The following CYLC2 variants were observed in gnomAD, a reference collection of about 807,000 sequenced individuals.
CYLC2 encodes cylicin-2.
A neutral mutation model predicts 26.1 loss-of-function variants in CYLC2; 30 were observed. The ratio of observed to expected loss-of-function variants is 1.15; its 90% confidence interval spans 0.86 to 1.56. The LOEUF is 1.56. CYLC2 is among the 40% of genes most tolerant of loss of function. The pLI, the probability that CYLC2 is intolerant of heterozygous loss-of-function variation, is 0.00. For synonymous variants in CYLC2, 158 were observed against 132.8 expected, an observed-to-expected ratio of 1.19 and a Z score of -1.31; for missense variants, 498 against 394.4, an observed-to-expected ratio of 1.26 and a Z score of -2.23.
At chr9:103,007,754 C>T (rs1314822929) in intron 5 of CYLC2, among the ~76,000 whole-genome samples, 1 of 152,112 alleles carries the variant, frequency 6.6e-6, no homozygotes, top group Non-Finnish European at 1.5e-5. Context: ...TTCTTCCTGA[C>T]ACAAACTTTG....
chr9:102,995,883 C>G (rs892438934), intron 1 of CYLC2, among the ~76,000 whole-genome samples: 7 of 151,794 alleles, frequency 4.6e-5, no homozygotes, highest in African/African-American at 1.7e-4. Context: ...TGGTATCCCT[C>G]TTGCAAAATA....
intron 6 of CYLC2, among the ~76,000 whole-genome samples, chr9:103,015,489 T>G (rs1194762728): frequency 6.5e-5 from 9 of 138,536 alleles, no homozygotes; most frequent in South Asian, 4.2e-4. Flanking sequence ...TTATATGTAA[T>G]TATATAACAT....
chr9:103,011,361 C>A (rs114460395), intron 5 of CYLC2, among the ~76,000 whole-genome samples: 2 of 152,126 alleles, frequency 1.3e-5, no homozygotes, highest in Admixed American at 1.3e-4. Flanking sequence ...GAAATACTTA[C>A]GTTTCATAAA....
intron 5 of CYLC2, among the ~76,000 whole-genome samples, chr9:103,008,371 A>G (rs1829373178): frequency 6.6e-6 from 1 of 151,790 alleles, no homozygotes; most frequent in South Asian, 2.1e-4. Flanking sequence ...AGTTATTCCA[A>G]TAAAAAATAA....
chr9:102,998,877 C>T (rs1335065052), intron 1 of CYLC2, among the ~76,000 whole-genome samples: 3 of 151,812 alleles, frequency 2.0e-5, no homozygotes, highest in Non-Finnish European at 4.4e-5. Context: ...GCTAGTATTT[C>T]TGGACTTTTT....
intron 6 of CYLC2, among the ~76,000 whole-genome samples, chr9:103,013,360 A>AATATATATTTATATATTATAT (rs1384396299): frequency 1.3e-4 from 2 of 15,464 alleles, no homozygotes; most frequent in African/African-American, 4.2e-4. Flanking sequence ...TATATTATAT[A>AATATATATTTATATATTATAT]AATATATATT....
chr9:103,014,400 G>GT (rs1829463547), intron 6 of CYLC2, among the ~76,000 whole-genome samples: 1 of 101,982 alleles, frequency 9.8e-6, no homozygotes, highest in Non-Finnish European at 1.9e-5. Context: ...ATAACATAAT[G>GT]TATGTTACGT....
rs776460013 is a variant in CYLC2 at position 103,011,947 on chromosome 9, C to CTTTTTT, written c.*701-13_*701-8dup. 9.7e-4 allele frequency: 62 copies of CTTTTTT among 64,128 alleles called. 1 individual carries two copies. The highest frequency in any genetic ancestry group is 1.5e-3 in the East Asian group (3 of 1,936). 4.0% of individuals were successfully genotyped at this position (64,128 alleles called of 1,614,324 possible). On this transcript the variant is annotated intron_variant, in intron 5 of 7. Transcript: ENST00000374798. ...AACTTGCTAATACTTAGATCATTCT[C>CTTTTTT]TTTTTTTTTTTTTTTTTTTTTTTTT...
At chr9:103,009,833 A>G (rs1040013639) in intron 5 of CYLC2, among the ~76,000 whole-genome samples, 1 of 151,734 alleles carries the variant, frequency 6.6e-6, no homozygotes, top group Non-Finnish European at 1.5e-5. Flanking sequence ...ATCTTTGCCA[A>G]CACTTTTATC....
intron 1 of CYLC2, among the ~76,000 whole-genome samples, chr9:102,995,883 C>T (rs892438934): frequency 6.6e-6 from 1 of 151,794 alleles, no homozygotes; most frequent in African/African-American, 2.4e-5. Context: ...TGGTATCCCT[C>T]TTGCAAAATA....
At chr9:103,001,866 T>A (rs1156709462) in intron 2 of CYLC2, among the ~76,000 whole-genome samples, 28 of 152,126 alleles carry the variant, frequency 1.8e-4, no homozygotes, top group Non-Finnish European at 4.4e-5. Flanking sequence ...ATGTTAGAAG[T>A]CATACAATCA....
In CYLC2 at chr9:102,995,345, C is replaced by A. The variant is rs749840127; in HGVS notation, c.-36C>A. The A allele has an allele frequency of 7.0e-6, 11 of 1,573,788 alleles. No homozygotes were observed. In the African/African-American group the frequency reaches 9.5e-5, roughly 14 times the overall value. ...TTTCAACATCACCAGTTTGAACTTACAATACTTAAGTCCTGGCAAGTCATA... is the reference window on the plus strand; with the variant it reads ...TTTCAACATCACCAGTTTGAACTTAAAATACTTAAGTCCTGGCAAGTCATA... On this transcript the variant is annotated 5_prime_UTR_variant, in exon 1 of 8. Coordinates refer to ENST00000374798, the MANE Select transcript of CYLC2 (RefSeq NM_001340.5).
chr9:103,009,616 TACTG>T (rs1829384964), intron 5 of CYLC2, among the ~76,000 whole-genome samples: 2 of 152,168 alleles, frequency 1.3e-5, no homozygotes, highest in Admixed American at 6.5e-5. Flanking sequence ...GTACAGTTAT[TACTG>T]ACTATAGTCA....
In CYLC2 at chr9:103,003,186, C is replaced by T; in HGVS notation, c.103C>T (p.Leu35=). ...KKSWNQQHFA[L]LFPKPQRPGT... is the part of the protein sequence containing the mutation. Reference sequence around the variant, plus strand: ...ATCATGGAATCAGCAACACTTTGCCCTGTTATTTCCCAAACCACAACGGCC... The same window carrying T: ...ATCATGGAATCAGCAACACTTTGCCTTGTTATTTCCCAAACCACAACGGCC... The change falls in exon 3 of 8, where the codon CTG becomes TTG. Residue 35 remains leucine (L), a synonymous_variant. Transcript: ENST00000374798. The T allele has an allele frequency of 6.2e-7, 1 of 1,613,724 alleles. No homozygotes were observed. The highest frequency in any genetic ancestry group is 8.5e-7 in the Non-Finnish European group (1 of 1,179,746).
intron 6 of CYLC2, among the ~76,000 whole-genome samples, 181 bp from the exon 7 acceptor site, chr9:103,016,707 G>A (rs1192288737): frequency 6.6e-6 from 1 of 151,954 alleles, no homozygotes; most frequent in African/African-American, 2.4e-5. Context: ...TGATTCAGTT[G>A]ATTTACAAGG....
In CYLC2 at chr9:103,004,818, A is replaced by T; in HGVS notation, c.304A>T (p.Thr102Ser). 6.2e-7 allele frequency: 1 copy of T among 1,612,168 alleles called. No individual in the cohort carries two copies. The highest frequency in any genetic ancestry group is 2.2e-5 in the East Asian group (1 of 44,822). The change falls in exon 4 of 8, where the codon ACT (threonine) becomes TCT (serine). Residue 102 changes from threonine to serine, a missense_variant. Coordinates refer to ENST00000374798, the MANE Select transcript of CYLC2 (RefSeq NM_001340.5). Reference protein sequence around the residue: ...LAARRQPLKPTRTVEVDSKAA... With the variant: ...LAARRQPLKPSRTVEVDSKAA... The stretch of plus-strand genomic sequence containing the variant: ...TGCCAGGAGGCAGCCTCTCAAACCA[A>T]CTCGTACTGTCGAGGTGGATTCTAA...
intron 1 of CYLC2, among the ~76,000 whole-genome samples, chr9:103,000,566 T>G (rs1439008845): frequency 6.6e-6 from 1 of 152,062 alleles, no homozygotes; most frequent in Non-Finnish European, 1.5e-5. Context: ...AATGATAGGC[T>G]GGATAACTTA....
At chr9:103,017,577 T>G (rs138752559) in intron 7 of CYLC2, among the ~76,000 whole-genome samples, 4 of 152,176 alleles carry the variant, frequency 2.6e-5, no homozygotes, top group Admixed American at 2.6e-4. Flanking sequence ...CAAACCTACA[T>G]GTTAACATAT....
intron 2 of CYLC2, among the ~76,000 whole-genome samples, chr9:103,002,513 C>A (rs1829298903): frequency 6.6e-6 from 1 of 151,816 alleles, no homozygotes; most frequent in Non-Finnish European, 1.5e-5. Flanking sequence ...CTACAGGCGC[C>A]TGCCACCACA....
Sources: gnomAD v4.1 joint callset for allele counts (sites outside exome capture counted in the v4.1 genomes callset) on GRCh38, gnomAD v4.1.1 for gene constraint, MANE v1.5 for transcripts, NCBI Gene and HGNC (gene_info 2026-07-23, HGNC 2026-07-21) for gene names.